Variants in EXD2 observed in about 807,000 individuals in gnomAD.
The protein encoded by EXD2 is exonuclease 3'-5' domain containing 2.
A neutral mutation model predicts 62.5 loss-of-function variants in EXD2; 40 were observed. The observed-to-expected ratio is 0.64, with a 90% CI of 0.50 to 0.83. EXD2 has a LOEUF of 0.83. EXD2 is among the 40% of genes least tolerant of loss of function. The pLI is 0.00. For missense variants in EXD2, 671 were observed against 761.8 expected, an observed-to-expected ratio of 0.88 and a Z score of 1.40; for synonymous variants, 239 against 291.9, an observed-to-expected ratio of 0.82 and a Z score of 1.85.
At chr14:69,198,702 C>CGTG (rs1401229746) in intron 1 of EXD2, among the ~76,000 whole-genome samples, 1 of 152,210 alleles carries the variant, frequency 6.6e-6, no homozygotes, top group African/African-American at 2.4e-5. Context: ...GTAGTAATGG[C>CGTG]ATCACTTAAT....
intron 5 of EXD2, among the ~76,000 whole-genome samples, chr14:69,232,000 A>G (rs1234099884): frequency 6.7e-6 from 1 of 148,934 alleles, no homozygotes; most frequent in East Asian, 2.0e-4. Context: ...CTAGTATTCT[A>G]TTCAAGAAGT....
At chr14:69,227,764 G>A (rs567854444) in intron 3 of EXD2, among the ~76,000 whole-genome samples, 2 of 152,224 alleles carry the variant, frequency 1.3e-5, no homozygotes, top group African/African-American at 2.4e-5. Context: ...AACTCGGGAG[G>A]CGGAGGTTGC....
At chr14:69,234,550 T>G in intron 5 of EXD2, 150 bp from the exon 6 acceptor site, 1 of 622,342 alleles carries the variant, frequency 1.6e-6, no homozygotes, top group South Asian at 2.4e-5. Context: ...ATTTTTATAA[T>G]AAGAAGTTTT....
chr14:69,203,600 T>C (rs1050931856), intron 1 of EXD2, among the ~76,000 whole-genome samples: 1 of 152,178 alleles, frequency 6.6e-6, no homozygotes, highest in African/African-American at 2.4e-5. Flanking sequence ...AGGAAACTTT[T>C]ATAGAACGCA....
intron 2 of EXD2, 28 bp from the exon 3 acceptor site, chr14:69,209,395 TA>T (rs1276579252): frequency 4.0e-6 from 5 of 1,238,950 alleles, no homozygotes; most frequent in Non-Finnish European, 5.5e-6. Context: ...ATTCTGTATA[TA>T]AATATATTTT....
rs1381182027 is a variant in EXD2 at position 69,236,056 on chromosome 14, C to G, written c.1060C>G (p.Leu354Val). 1.9e-6 allele frequency: 3 copies of G among 1,613,928 alleles called. No homozygotes were observed. Among genetic ancestry groups the G allele is most frequent in the Non-Finnish European group, 2.5e-6 (3 of 1,179,868 alleles). ...GVGYSARKSP[L>V]YDNCFLHAPD... Reference sequence around the variant, plus strand: ...TTCCTTTCCCTGCAGAAAATCACCTCTTTATGATAACTGCTTTCTCCATGC... The same window carrying G: ...TTCCTTTCCCTGCAGAAAATCACCTGTTTATGATAACTGCTTTCTCCATGC... The change falls in exon 7 of 10, where the codon CTT becomes GTT. Residue 354 changes from leucine to valine, a missense_variant. By Grantham distance (32) the Leu-to-Val change is conservative. Coordinates refer to ENST00000685843, the MANE Select transcript of EXD2 (RefSeq NM_001193360.2).
chr14:69,240,454 G>T (rs1373694473), intron 9 of EXD2, among the ~76,000 whole-genome samples: 1 of 152,196 alleles, frequency 6.6e-6, no homozygotes, highest in Non-Finnish European at 1.5e-5. Flanking sequence ...ATTAAATTGT[G>T]TTGTGAAAAA....
Position 69,202,662 on chromosome 14 carries a change from C to T in EXD2, c.-131-1255C>T, listed in dbSNP as rs955148596. 2.6e-5 allele frequency among the ~76,000 whole-genome samples: 4 copies of T among 152,074 alleles called. No individual in the cohort carries two copies. The East Asian group carries it at 7.7e-4, about 29-fold the overall frequency. On this transcript the variant is annotated intron_variant, in intron 1 of 9. Coordinates refer to ENST00000685843, the MANE Select transcript of EXD2 (RefSeq NM_001193360.2). The stretch of plus-strand genomic sequence containing the variant: ...GAAAAAAAAATGCAGTTTACAAAAC[C>T]TCTTCAAATAAAAATGAATTAATAA...
Position 69,241,198 on chromosome 14 carries a change from G to T in EXD2, c.*98G>T, listed in dbSNP as rs372435554. ...AGTACATCATTAATTGTCAAAGCCT[G>T]TGTGACACAACTCAGAATACTAACC... On this transcript the variant is annotated 3_prime_UTR_variant, in exon 10 of 10. Transcript: ENST00000685843. The T allele has an allele frequency of 9.3e-6, 9 of 962,736 alleles. No individual in the cohort carries two copies. The East Asian group carries it at 1.0e-4, about 11-fold the overall frequency. The allele number at this position is 962,736 out of a possible 1,614,324, so 59.6% of individuals were successfully genotyped here. A position where few individuals can be genotyped will look rare whatever the true frequency, so the allele number is the denominator to read the frequency against.
intron 1 of EXD2, among the ~76,000 whole-genome samples, chr14:69,203,331 C>T (rs1195005980): frequency 1.3e-5 from 2 of 152,056 alleles, no homozygotes; most frequent in Admixed American, 1.3e-4. Flanking sequence ...CTACCTCAGC[C>T]TCCCAAAGTG....
chr14:69,238,518 A>G (rs1594786065), intron 9 of EXD2, among the ~76,000 whole-genome samples: 2 of 152,026 alleles, frequency 1.3e-5, no homozygotes, highest in African/African-American at 2.4e-5. Flanking sequence ...TGCAAATGCT[A>G]TGTAAGTAGC....
chr14:69,236,163 C>A lies in EXD2; in HGVS notation c.1156+11C>A. The stretch of plus-strand genomic sequence containing the variant: ...ACAAAGGCATTGGTGGTATGAGATT[C>A]AGCTGTCCTTGTTTATCTCTAATTA... On this transcript the variant is annotated intron_variant, in intron 7 of 9. Coordinates refer to ENST00000685843, the MANE Select transcript of EXD2 (RefSeq NM_001193360.2). 1 of 1,607,224 alleles carries A rather than the reference C, an allele frequency of 6.2e-7. No homozygotes were observed. The highest frequency in any genetic ancestry group is 1.1e-5 in the South Asian group (1 of 90,940).
At chr14:69,219,336 T>C (rs906204852) in intron 3 of EXD2, among the ~76,000 whole-genome samples, 1 of 152,208 alleles carries the variant, frequency 6.6e-6, no homozygotes, top group Non-Finnish European at 1.5e-5. Context: ...TAAAAATGCT[T>C]TGATTTTTGC....
intron 1 of EXD2, among the ~76,000 whole-genome samples, chr14:69,203,526 A>G (rs1423863260): frequency 6.6e-6 from 1 of 152,198 alleles, no homozygotes; most frequent in Non-Finnish European, 1.5e-5. Context: ...CCTATTTAAC[A>G]GGCTTTAAGG....
intron 3 of EXD2, chr14:69,224,323 A>C (rs1437380729): frequency 1.3e-5 from 2 of 152,326 alleles, no homozygotes; most frequent in Non-Finnish European, 2.9e-5. Flanking sequence ...TTAAACAACC[A>C]TATCTTGTGA....
chr14:69,230,352 C>T (rs764547673), intron 4 of EXD2, 120 bp from the exon 5 acceptor site: 17 of 581,702 alleles, frequency 2.9e-5, no homozygotes, highest in South Asian at 5.4e-5. Context: ...TCATTTTCTT[C>T]GATTTCTAGT....
intron 3 of EXD2, chr14:69,210,004 A>C (rs1226857358): frequency 4.5e-6 from 2 of 446,418 alleles, no homozygotes; most frequent in Non-Finnish European, 4.0e-6. Context: ...TATGGATTAC[A>C]ATTATGTCAA....
rs1385063443 is a variant in EXD2, at chr14:69,244,008, A to G, written c.*2908A>G. 6.6e-6 allele frequency: 1 copy of G among 152,254 alleles called. No homozygotes were observed. The allele number at this position is 152,254 out of a possible 1,614,324, so 9.4% of individuals were successfully genotyped here. ...AAAAAAGGTAAAAAAATAAAATTTT[A>G]AATTTTAAAATATAGGCTGTAGGCA... On this transcript the variant is annotated 3_prime_UTR_variant, in exon 10 of 10. Coordinates refer to ENST00000685843, the MANE Select transcript of EXD2 (RefSeq NM_001193360.2).
rs142384238 is a variant in EXD2, at chr14:69,222,589, T to C, written c.334-6227T>C. Among the ~76,000 whole-genome samples, 110 of 152,322 alleles carry C rather than the reference T, an allele frequency of 7.2e-4. 3 individuals carry two copies. In the East Asian group the frequency reaches 0.015, roughly 21 times the overall value. On this transcript the variant is annotated intron_variant, in intron 3 of 9. Coordinates refer to ENST00000685843, the MANE Select transcript of EXD2 (RefSeq NM_001193360.2). ...ATTCCTGTTTTACCTGATATCTAAA[T>C]ATTGAAATGGGTCAGGCTTGGTCTC...
Sources: gnomAD v4.1 joint callset for allele counts (sites outside exome capture counted in the v4.1 genomes callset) on GRCh38, gnomAD v4.1.1 for gene constraint, MANE v1.5 for transcripts, NCBI Gene and HGNC (gene_info 2026-07-23, HGNC 2026-07-21) for gene names.